ARHGDIB: variants seen among roughly 807,000 people sequenced by gnomAD.
ARHGDIB encodes the protein Rho GDP dissociation inhibitor beta.
A neutral mutation model predicts 22.6 loss-of-function variants in ARHGDIB; 20 were observed. That is an observed-to-expected ratio of 0.88 (90% CI 0.62 to 1.28). The LOEUF (loss-of-function observed/expected upper bound fraction) is 1.28, where lower values mean the gene tolerates loss of function less well. Ranked by LOEUF, ARHGDIB falls within the 50% of genes most tolerant of loss-of-function variation. ARHGDIB has a pLI of 0.00. For synonymous variants in ARHGDIB, 114 were observed against 96.1 expected (o/e 1.19, Z -1.09); for missense variants, 254 against 245.4 (o/e 1.04, Z -0.23).
At chr12:14,944,861 G>C (rs918300590) in intron 4 of ARHGDIB, 22 bp from the exon 5 acceptor site, 2 of 1,609,546 alleles carry the variant, frequency 1.2e-6, no homozygotes, top group South Asian at 2.2e-5. Flanking sequence ...AAGGAACCAA[G>C]ATGTTCAGAT....
Position 14,947,748 on chromosome 12 carries a change from C to G in ARHGDIB, c.342+125G>C, listed in dbSNP as rs190396461. On this transcript the variant is annotated intron_variant, in intron 4 of 5. Transcript: ENST00000228945. ...AGGGCTGGGAAGAGGACATTCCAGA[C>G]CCAGCTTGGGGGTACTAGGGGAGAA... 2.1e-3 allele frequency: 1,661 copies of G among 804,480 alleles called. 19 individuals are homozygous for G. The African/African-American group carries it at 0.026, about 13-fold the overall frequency. The allele number at this position is 804,480 out of a possible 1,614,324, so 49.8% of individuals were successfully genotyped here. A position where few individuals can be genotyped will look rare whatever the true frequency, so the allele number is the denominator to read the frequency against.
intron 1 of ARHGDIB, among the ~76,000 whole-genome samples, chr12:14,951,771 T>C (rs896252562): frequency 2.9e-5 from 4 of 140,006 alleles, no homozygotes; most frequent in South Asian, 4.6e-4. Context: ...GATTCAAAAA[T>C]TATTCCTTTT....
At chr12:14,943,389 TTTG>T (rs1399531514) in intron 5 of ARHGDIB, among the ~76,000 whole-genome samples, 13 of 138,994 alleles carry the variant, frequency 9.4e-5, no homozygotes, top group Non-Finnish European at 4.7e-5. Flanking sequence ...TTTTTTTTTT[TTTG>T]TTGTTGTTGT....
chr12:14,942,904 T>C (rs1458986043), intron 5 of ARHGDIB, among the ~76,000 whole-genome samples, 183 bp from the exon 6 acceptor site: 1 of 152,068 alleles, frequency 6.6e-6, no homozygotes, highest in Non-Finnish European at 1.5e-5. Flanking sequence ...GTTTTGCTCT[T>C]GTTGTCCAGG....
At chr12:14,943,182 T>A (rs930569788) in intron 5 of ARHGDIB, among the ~76,000 whole-genome samples, 2 of 152,134 alleles carry the variant, frequency 1.3e-5, no homozygotes, top group Non-Finnish European at 2.9e-5. Context: ...GGCATCTTTT[T>A]AAAAAAATTA....
intron 1 of ARHGDIB, among the ~76,000 whole-genome samples, chr12:14,955,418 T>C (rs947491408): frequency 5.9e-5 from 9 of 152,344 alleles, no homozygotes; most frequent in African/African-American, 2.2e-4. Flanking sequence ...CGGGAATACA[T>C]AAATACCTCC....
At chr12:14,943,418 G>T in intron 5 of ARHGDIB, among the ~76,000 whole-genome samples, 1 of 148,810 alleles carries the variant, frequency 6.7e-6, no homozygotes, top group Non-Finnish European at 1.5e-5. Context: ...TTTTTATGGA[G>T]ATATAGCAGA....
chr12:14,958,343 A>C (rs181405442), intron 1 of ARHGDIB, among the ~76,000 whole-genome samples: 95 of 152,310 alleles, frequency 6.2e-4, no homozygotes, highest in African/African-American at 2.0e-3. Flanking sequence ...GATGAGAAAA[A>C]CCAAAGACAA....
At chr12:14,949,690 A>G (rs1753839984) in intron 3 of ARHGDIB, 112 bp downstream of exon 3, 8 of 923,350 alleles carry the variant, frequency 8.7e-6, no homozygotes, top group Non-Finnish European at 1.4e-5. Flanking sequence ...TGGTCCTAGC[A>G]TATATATCTC....
chr12:14,954,307 A>G (rs955274520), intron 1 of ARHGDIB, among the ~76,000 whole-genome samples: 6 of 152,190 alleles, frequency 3.9e-5, no homozygotes, highest in African/African-American at 1.4e-4. Context: ...GATCATTGAC[A>G]CAACTTAGTC....
chr12:14,956,690 C>G (rs1450579215), intron 1 of ARHGDIB, among the ~76,000 whole-genome samples: 1 of 152,176 alleles, frequency 6.6e-6, no homozygotes, highest in Non-Finnish European at 1.5e-5. Flanking sequence ...CACAGGCTTG[C>G]TACTCTAGTT....
chr12:14,951,965 C>T (rs1162620255), intron 1 of ARHGDIB, among the ~76,000 whole-genome samples: 1 of 152,066 alleles, frequency 6.6e-6, no homozygotes, highest in Non-Finnish European at 1.5e-5. Flanking sequence ...TGGCTGACAG[C>T]CACATGAGAT....
chr12:14,942,590 C>T lies in ARHGDIB; in HGVS notation c.538G>A (p.Asp180Asn), dbSNP rs759500495. ...CTGAGGTGGTCTTGCTTGTCATCGT[C>T]GGTGAAGAAGGACTTGTTGTGGTAC... The part of the protein sequence containing the change: ...GTYHNKSFFT[D>N]DDKQDHLSWE... The change falls in exon 6 of 6, where the codon GAC becomes AAC. Residue 180 changes from aspartate to asparagine, a missense_variant. Asp to Asn is a conservative substitution (Grantham distance 23). Coordinates refer to ENST00000228945, the MANE Select transcript of ARHGDIB (RefSeq NM_001175.7). 33 of 1,614,152 alleles carry T rather than the reference C, an allele frequency of 2.0e-5. No homozygotes were observed. The highest frequency in any genetic ancestry group is 6.7e-5 in the Admixed American group (4 of 60,028).
chr12:14,949,472 T>A (rs1412604486), intron 3 of ARHGDIB, among the ~76,000 whole-genome samples: 1 of 152,180 alleles, frequency 6.6e-6, no homozygotes, highest in Non-Finnish European at 1.5e-5. Context: ...ACCTTATAAC[T>A]TCAGAAGCAC....
At chr12:14,943,446 ACT>A (rs1175930051) in intron 5 of ARHGDIB, among the ~76,000 whole-genome samples, 1 of 151,534 alleles carries the variant, frequency 6.6e-6, no homozygotes, top group African/African-American at 2.4e-5. Context: ...ATTTTAAAAA[ACT>A]CAGACAAATT....
chr12:14,961,168 T>C (rs370311417), intron 1 of ARHGDIB: 3 of 152,470 alleles, frequency 2.0e-5, no homozygotes, highest in South Asian at 4.1e-4. Context: ...TCATTTTGGA[T>C]CTACAGTCTT....
At chr12:14,951,017 C>G (rs1316815686) in intron 1 of ARHGDIB, 1 of 199,546 alleles carries the variant, frequency 5.0e-6, no homozygotes, top group Non-Finnish European at 1.0e-5. Flanking sequence ...ACGAGTGAAG[C>G]AACATGGCAC....
At chr12:14,949,913 C>T (rs781480923) in intron 2 of ARHGDIB, 28 bp from the exon 3 acceptor site, 15 of 1,600,894 alleles carry the variant, frequency 9.4e-6, no homozygotes, top group Non-Finnish European at 1.2e-5. Flanking sequence ...AATGTAAGTA[C>T]CAAGAAGAGA....
Position 14,953,783 on chromosome 12 carries a change from T to C in ARHGDIB, c.-12-3059A>G, listed in dbSNP as rs147854925. On this transcript the variant is annotated intron_variant, in intron 1 of 5. Coordinates refer to ENST00000228945, the MANE Select transcript of ARHGDIB (RefSeq NM_001175.7). ...TGGAAGCATGAAGCAGAGAGTGGAG[T>C]GTTACAGAGGAAGGTTGCTTTTTTG... Among the ~76,000 whole-genome samples, 443 of 151,628 alleles carry C rather than the reference T, an allele frequency of 2.9e-3. 7 individuals carry two copies. The highest frequency in any genetic ancestry group is 2.9e-3 in the Non-Finnish European group (196 of 67,902).
Sources: allele counts gnomAD v4.1 joint callset (sites outside exome capture counted in the v4.1 genomes callset), GRCh38; gene constraint gnomAD v4.1.1; transcripts MANE v1.5; gene names NCBI Gene and HGNC (gene_info 2026-07-23, HGNC 2026-07-21).